The following ANTXR1 variants were observed in gnomAD, a reference collection of about 807,000 sequenced individuals.
ANTXR1 encodes anthrax toxin receptor 1.
ANTXR1 carries 19 observed loss-of-function variants against 78.1 expected under a neutral mutation model. That is an observed-to-expected ratio of 0.24 (90% confidence interval 0.17 to 0.36). ANTXR1 has a LOEUF of 0.36. Among genes scored for constraint, ANTXR1 ranks in the 10% least tolerant of loss-of-function variants. The probability of loss-of-function intolerance (pLI) is 1.00; values close to 1 mark genes in which losing one functional copy is unlikely to be tolerated. For missense variants in ANTXR1, 518 were observed against 718.6 expected, an observed-to-expected ratio of 0.72 and a Z score of 3.19; for synonymous variants, 273 against 260.5, an observed-to-expected ratio of 1.05 and a Z score of -0.46.
At chr2:69,111,316 G>A (rs866234846) in intron 10 of ANTXR1, among the ~76,000 whole-genome samples, 3 of 152,330 alleles carry the variant, frequency 2.0e-5, no homozygotes, top group Middle Eastern at 3.4e-3. Context: ...CACTTTCAGA[G>A]AGATTCAAAT....
intron 17 of ANTXR1, among the ~76,000 whole-genome samples, chr2:69,216,290 A>G (rs1299749696): frequency 6.6e-6 from 1 of 152,218 alleles, no homozygotes; most frequent in Admixed American, 6.5e-5. Flanking sequence ...AGCCAATATG[A>G]AAAACAGGTA....
chr2:69,140,043 T>C (rs191869422), intron 12 of ANTXR1, among the ~76,000 whole-genome samples: 2 of 152,336 alleles, frequency 1.3e-5, no homozygotes, highest in East Asian at 3.9e-4. Flanking sequence ...ACAAGCTCCA[T>C]GCATTTTATG....
At chr2:69,170,357 C>T (rs1673949863) in intron 14 of ANTXR1, 68 bp downstream of exon 14, 1 of 1,568,964 alleles carries the variant, frequency 6.4e-7, no homozygotes, top group South Asian at 1.1e-5. Context: ...GCTGGCTGGG[C>T]AGCTGGACAC....
chr2:69,146,318 G>T, intron 12 of ANTXR1: 2 of 985,276 alleles, frequency 2.0e-6, no homozygotes, highest in Non-Finnish European at 2.4e-6. Context: ...CCCACCACTT[G>T]CTGTTAAAAT....
At chr2:69,113,159 G>C (rs1030528621) in intron 10 of ANTXR1, among the ~76,000 whole-genome samples, 5 of 152,150 alleles carry the variant, frequency 3.3e-5, no homozygotes, top group African/African-American at 1.2e-4. Context: ...GGAGAGATTT[G>C]CTTGTGAACT....
At chr2:69,119,483 G>A (rs1672274455) in intron 10 of ANTXR1, among the ~76,000 whole-genome samples, 1 of 152,236 alleles carries the variant, frequency 6.6e-6, no homozygotes, top group Non-Finnish European at 1.5e-5. Flanking sequence ...AGCCACGCCT[G>A]TCCCCAGTTC....
chr2:69,039,503 C>A (rs958485215), intron 1 of ANTXR1, among the ~76,000 whole-genome samples: 2 of 152,130 alleles, frequency 1.3e-5, no homozygotes, highest in African/African-American at 2.4e-5. Context: ...CACTACCTTC[C>A]TGAAATAAAC....
chr2:69,202,449 G>C (rs1215889311), intron 17 of ANTXR1, among the ~76,000 whole-genome samples: 1 of 152,168 alleles, frequency 6.6e-6, no homozygotes, highest in African/African-American at 2.4e-5. Flanking sequence ...CAATGGGAGG[G>C]AGAGCCAAGG....
chr2:69,046,920 T>C (rs1669786109), intron 3 of ANTXR1, among the ~76,000 whole-genome samples: 2 of 152,136 alleles, frequency 1.3e-5, no homozygotes, highest in Admixed American at 6.6e-5. Flanking sequence ...AAGACATGAA[T>C]TGGCAAAGAC....
intron 1 of ANTXR1, among the ~76,000 whole-genome samples, chr2:69,030,409 C>T (rs1228544802): frequency 6.6e-6 from 1 of 152,148 alleles, no homozygotes; most frequent in Non-Finnish European, 1.5e-5. Context: ...ATACACAAAA[C>T]TTCCCACCAA....
At chr2:69,052,949 C>T (rs1669966676) in intron 3 of ANTXR1, among the ~76,000 whole-genome samples, 1 of 152,150 alleles carries the variant, frequency 6.6e-6, no homozygotes, top group Non-Finnish European at 1.5e-5. Flanking sequence ...TGAATACTTT[C>T]CTGTTCCTAA....
At chr2:69,222,881 A>G (rs1340210187) in intron 17 of ANTXR1, among the ~76,000 whole-genome samples, 1 of 152,216 alleles carries the variant, frequency 6.6e-6, no homozygotes, top group Non-Finnish European at 1.5e-5. Context: ...TGCATAAATT[A>G]CAGTTTTGTA....
Position 69,124,534 on chromosome 2 carries a change from TGA to T in ANTXR1, c.873-27_873-26del, listed in dbSNP as rs1355924460. 14 of 1,608,332 alleles carry T rather than the reference TGA, an allele frequency of 8.7e-6. No individual in the cohort carries two copies. In the Admixed American group the frequency reaches 1.0e-4, roughly 11 times the overall value. On this transcript the variant is annotated intron_variant, in intron 11 of 17. Coordinates refer to ENST00000303714, the MANE Select transcript of ANTXR1 (RefSeq NM_032208.3). ...GCCTGTTGCTCATTGCACGCCCTGCTGAGAGTCTGCTTCCCTTGTTGTCATTG... is the reference window on the plus strand; with the variant it reads ...GCCTGTTGCTCATTGCACGCCCTGCTGAGTCTGCTTCCCTTGTTGTCATTG...
At chr2:69,077,185 A>G (rs992143008) in intron 7 of ANTXR1, 1 of 591,890 alleles carries the variant, frequency 1.7e-6, no homozygotes, top group African/African-American at 1.9e-5. Context: ...TATTGAAACA[A>G]ATGTAAAAGC....
chr2:69,068,325 A>G (rs909778126), intron 3 of ANTXR1, among the ~76,000 whole-genome samples: 1 of 152,260 alleles, frequency 6.6e-6, no homozygotes, highest in African/African-American at 2.4e-5. Flanking sequence ...AAATATCTTA[A>G]GTGCTATAAA....
intron 8 of ANTXR1, among the ~76,000 whole-genome samples, chr2:69,078,254 T>C (rs1315999215): frequency 1.3e-5 from 2 of 152,224 alleles, no homozygotes; most frequent in Non-Finnish European, 2.9e-5. Context: ...GGTCAGTATG[T>C]GTGCTGCACC....
chr2:69,127,430 C>T (rs969477524), intron 12 of ANTXR1, among the ~76,000 whole-genome samples: 3 of 151,768 alleles, frequency 2.0e-5, no homozygotes, highest in Admixed American at 1.3e-4. Flanking sequence ...GGCATCTCCA[C>T]GCCTGCTGCT....
chr2:69,085,536 A>G (rs1671025047), intron 8 of ANTXR1, among the ~76,000 whole-genome samples: 1 of 152,182 alleles, frequency 6.6e-6, no homozygotes, highest in Admixed American at 6.5e-5. Flanking sequence ...ATATGCTACA[A>G]TGCCAGTTTA....
chr2:69,040,082 A>T lies in ANTXR1; in HGVS notation c.191A>T (p.Tyr64Phe). The stretch of plus-strand genomic sequence containing the variant: ...CTGCACCACTGGAATGAAATCTATT[A>T]CTTTGTGGAACAGTTGGCTCACAAA... Reference protein sequence around the residue: ...SVLHHWNEIYYFVEQLAHKFI... With the variant: ...SVLHHWNEIYFFVEQLAHKFI... The change falls in exon 2 of 18, where the codon TAC (tyrosine) becomes TTC (phenylalanine). Residue 64 changes from tyrosine (Y) to phenylalanine (F), a missense_variant. Physicochemically the swap from Tyr to Phe is conservative, Grantham distance 22. This residue lies in a region of ANTXR1 where 264 missense variants were observed against 391.8 expected (regional missense o/e 0.67). Transcript: ENST00000303714. 2 of 1,613,522 alleles carry T rather than the reference A, an allele frequency of 1.2e-6. No homozygotes were observed. Among genetic ancestry groups the T allele is most frequent in the East Asian group, 4.5e-5 (2 of 44,834 alleles).
Sources: allele counts gnomAD v4.1 joint callset (sites outside exome capture counted in the v4.1 genomes callset), GRCh38; gene constraint gnomAD v4.1.1; regional missense constraint gnomAD v4.1.1; transcripts MANE v1.5; gene names NCBI Gene and HGNC (gene_info 2026-07-23, HGNC 2026-07-21).